Variants in C11orf16 observed in about 807,000 individuals in gnomAD.
C11orf16 encodes chromosome 11 open reading frame 16.
A neutral mutation model predicts 45.1 loss-of-function variants in C11orf16; 38 were observed. The observed-to-expected ratio is 0.84, with a 90% CI of 0.65 to 1.10. The LOEUF is 1.10. Ranked by LOEUF, C11orf16 falls within the 50% of genes least tolerant of loss-of-function variation. The probability of loss-of-function intolerance (pLI) is 0.00; values close to 1 mark genes in which losing one functional copy is unlikely to be tolerated. For synonymous variants in C11orf16, 221 were observed against 222.0 expected (o/e 1.00, Z 0.04); for missense variants, 583 against 569.5 (o/e 1.02, Z -0.24).
chr11:8,925,517 G>A lies in C11orf16; in HGVS notation c.1150C>T (p.Pro384Ser). 6.2e-7 allele frequency: 1 copy of A among 1,614,188 alleles called. No homozygotes were observed. The highest frequency in any genetic ancestry group is 8.5e-7 in the Non-Finnish European group (1 of 1,180,024). The change falls in exon 5 of 7, where the codon CCT (proline) becomes TCT (serine). Residue 384 changes from proline (P) to serine (S), a missense_variant. Transcript: ENST00000326053. ...MPLRQSGLCQ[P>S]EWRYWKRNGP... is the part of the protein sequence containing the mutation. ...TTTCTCTTCCAATACCTCCACTCAG[G>A]CTGGCAGAGGCCACTCTGTCTCAGA...
At chr11:8,925,034 C>T (rs763082103) in intron 5 of C11orf16, among the ~76,000 whole-genome samples, 5 of 152,186 alleles carry the variant, frequency 3.3e-5, no homozygotes, top group African/African-American at 4.8e-5. Flanking sequence ...TGGGGCCTCA[C>T]GACCAATGCT....
chr11:8,932,020 A>G, intron 2 of C11orf16, 122 bp downstream of exon 2: 1 of 1,090,060 alleles, frequency 9.2e-7, no homozygotes, highest in Non-Finnish European at 1.3e-6. Flanking sequence ...AGGCCAAACA[A>G]TGACGACCCC....
At position 8,929,408 on chromosome 11, in the gene C11orf16, T is replaced by C. The variant is rs1295201585; in HGVS notation, c.293A>G (p.Tyr98Cys). The change falls in exon 3 of 7, where the codon TAC becomes TGC. Residue 98 changes from tyrosine (Y) to cysteine (C), a missense_variant. By Grantham distance (194) the Tyr-to-Cys change is radical (BLOSUM62 -2). Transcript: ENST00000326053. ...AGTGGCCTTTATTTGGGCCCGGTAG[T>C]AAAAACCATCTGCTTCCCTTCTTGC... ...VLARREADGF[Y>C]YRAQIKATPE... 1 of 1,614,064 alleles carries C rather than the reference T, an allele frequency of 6.2e-7. No homozygotes were observed. The highest frequency in any genetic ancestry group is 1.1e-5 in the South Asian group (1 of 91,066).
chr11:8,925,661 A>C lies in C11orf16; in HGVS notation c.1006T>G (p.Ser336Ala). Residue 336 changes from serine to alanine, a missense_variant, in exon 5 of 7, where the codon TCC (serine) becomes GCC (alanine). By Grantham distance (99) the Ser-to-Ala change is moderately conservative. Coordinates refer to ENST00000326053, the MANE Select transcript of C11orf16 (RefSeq NM_020643.3). ...VAMHAPLAVS[S>A]SSSSSCEQDG... Reference sequence around the variant, plus strand: ...TGTTCACAGGAGGAGGATGAGGAGGAAGAAACAGCCAGGGGAGCGTGCATT... The same window carrying C: ...TGTTCACAGGAGGAGGATGAGGAGGCAGAAACAGCCAGGGGAGCGTGCATT... 6.2e-7 allele frequency: 1 copy of C among 1,614,232 alleles called. No individual in the cohort carries two copies. Among genetic ancestry groups the C allele is most frequent in the Non-Finnish European group, 8.5e-7 (1 of 1,180,030 alleles).
rs2064605746 is a variant in C11orf16 at position 8,925,720 on chromosome 11, A to C, written c.947T>G (p.Leu316Trp). Reference protein sequence around the residue: ...LPELEPTAQLLPLEGPKEEKV... With the variant: ...LPELEPTAQLWPLEGPKEEKV... ...CTCCTCTTTAGGACCTTCCAGGGGC[A>C]AAAGCTGTGCTGTGGGCTCCAACTC... Residue 316 changes from leucine (L) to tryptophan (W), a missense_variant, in exon 5 of 7, where the codon TTG becomes TGG. By Grantham distance (61) the Leu-to-Trp change is moderately conservative. Transcript: ENST00000326053. 1 of 1,614,142 alleles carries C rather than the reference A, an allele frequency of 6.2e-7. No individual in the cohort carries two copies. Among genetic ancestry groups the C allele is most frequent in the Admixed American group, 1.7e-5 (1 of 60,016 alleles).
At chr11:8,921,859 T>C (rs2064577151) in intron 5 of C11orf16, among the ~76,000 whole-genome samples, 1 of 152,196 alleles carries the variant, frequency 6.6e-6, no homozygotes, top group South Asian at 2.1e-4. Context: ...CAGGCTGGTC[T>C]TGAACTCCTG....
In C11orf16 at chr11:8,921,443, C is replaced by T; in HGVS notation, c.1277G>A (p.Gly426Glu). The change falls in exon 6 of 7, where the codon GGG becomes GAG. Residue 426 changes from glycine (G) to glutamate (E), a missense_variant. Coordinates refer to ENST00000326053, the MANE Select transcript of C11orf16 (RefSeq NM_020643.3). ...TTTCGAGACCAGCTCCTTGGTAGTC[C>T]CCACTACTGCAGTTTGTGCTCTCTG... Reference protein sequence around the residue: ...KQQRAQTAVVGTTKELVSKAT... With the variant: ...KQQRAQTAVVETTKELVSKAT... 1.2e-6 allele frequency: 2 copies of T among 1,614,154 alleles called. No homozygotes were observed. Among genetic ancestry groups the T allele is most frequent in the South Asian group, 2.2e-5 (2 of 91,078 alleles).
chr11:8,927,375 C>G, intron 3 of C11orf16: 1 of 596,048 alleles, frequency 1.7e-6, no homozygotes, highest in Non-Finnish European at 3.0e-6. Context: ...CGGTTGTGCT[C>G]CCCTGAATCT....
At chr11:8,926,285 C>G (rs1398342187) in intron 4 of C11orf16, among the ~76,000 whole-genome samples, 178 bp from the exon 5 acceptor site, 1 of 148,084 alleles carries the variant, frequency 6.8e-6, no homozygotes, top group Non-Finnish European at 1.5e-5. Flanking sequence ...CTCAAGCCAT[C>G]CTCCTGCCTC....
chr11:8,928,771 G>C lies in C11orf16; in HGVS notation c.324+606C>G, dbSNP rs1378073173. 3 of 152,726 alleles carry C rather than the reference G, an allele frequency of 2.0e-5. No individual in the cohort carries two copies. In the East Asian group the frequency reaches 5.8e-4, roughly 29 times the overall value. 9.5% of individuals were successfully genotyped at this position (152,726 alleles called of 1,614,324 possible). On this transcript the variant is annotated intron_variant, in intron 3 of 6. Transcript: ENST00000326053. ...CCACCACCACCTCTCAAAGTGCTGG[G>C]ATTACAGGCATGAGCCAACATGCCT...
chr11:8,930,018 G>A (rs1184289929), intron 2 of C11orf16, among the ~76,000 whole-genome samples: 1 of 152,116 alleles, frequency 6.6e-6, no homozygotes, highest in Admixed American at 6.5e-5. Flanking sequence ...TACTTGGGAG[G>A]CTGAGATAGG....
chr11:8,924,686 G>A (rs2064597008), intron 5 of C11orf16, among the ~76,000 whole-genome samples: 2 of 152,162 alleles, frequency 1.3e-5, no homozygotes, highest in African/African-American at 4.8e-5. Flanking sequence ...TAGCAGTGGT[G>A]TTCCTTCACC....
chr11:8,926,301 C>T (rs1036658012), intron 4 of C11orf16, among the ~76,000 whole-genome samples, 194 bp from the exon 5 acceptor site: 21 of 151,452 alleles, frequency 1.4e-4, no homozygotes, highest in East Asian at 1.4e-3. Flanking sequence ...GCCTCAGCCT[C>T]CGAAGTAGCT....
At chr11:8,926,763 G>T (rs568025954) in intron 4 of C11orf16, among the ~76,000 whole-genome samples, 177 bp downstream of exon 4, 1 of 152,042 alleles carries the variant, frequency 6.6e-6, no homozygotes, top group Non-Finnish European at 1.5e-5. Context: ...AAGATACACT[G>T]TGCATCTTGA....
In C11orf16 at chr11:8,929,472, G is replaced by A. The variant is rs1467511659; in HGVS notation, c.229C>T (p.Leu77=). The A allele has an allele frequency of 6.2e-7, 1 of 1,614,086 alleles. No individual in the cohort carries two copies. Among genetic ancestry groups the A allele is most frequent in the Non-Finnish European group, 8.5e-7 (1 of 1,179,986 alleles). Residue 77 remains leucine (L), a synonymous_variant, in exon 3 of 7, where the codon CTG becomes TTG. Transcript: ENST00000326053. ...TTGGCAGCATCTCCAGCTCTTCCCA[G>A]CCAGCCAGGCCCCTGCCATGCTGGG... ...ADPAWQGPGW[L]GRAGDAANTW...
chr11:8,929,540 A>G lies in C11orf16; in HGVS notation c.168-7T>C, dbSNP rs201859529. The G allele has an allele frequency of 1.7e-5, 27 of 1,608,846 alleles. No homozygotes were observed. Among genetic ancestry groups the G allele is most frequent in the East Asian group, 2.2e-5 (1 of 44,838 alleles). ...TGGGCAAGAAGAGGCATGCCTGGAA[A>G]AAAGCAAATGGAATTAGTGGATAGA... On this transcript the variant is annotated splice_polypyrimidine_tract_variant and splice_region_variant and intron_variant, in intron 2 of 6. Transcript: ENST00000326053.
chr11:8,923,270 A>C (rs561994102), intron 5 of C11orf16, among the ~76,000 whole-genome samples: 2 of 152,188 alleles, frequency 1.3e-5, no homozygotes, highest in East Asian at 3.9e-4. Flanking sequence ...CTATGGAGCA[A>C]GTCACAGCAA....
Position 8,927,092 on chromosome 11 carries a change from ACT to A in C11orf16, c.405_406del (p.Arg135SerfsTer23). 6.2e-7 allele frequency: 1 copy of A among 1,613,648 alleles called. No individual in the cohort carries two copies. The highest frequency in any genetic ancestry group is 8.5e-7 in the Non-Finnish European group (1 of 1,179,914). On this transcript the variant is annotated frameshift_variant, in exon 4 of 7. Transcript: ENST00000326053. LOFTEE classifies it high-confidence loss of function. ...AGGAATGACATCCTCTTCTAAGACC[ACT>A]CTCTGCTGCTGGGCTGGCAGCTTTG...
rs745603948 is a variant in C11orf16, at chr11:8,932,261, G to A, written c.48C>T (p.Ser16=). 5.0e-5 allele frequency: 81 copies of A among 1,611,538 alleles called. No homozygotes were observed. The highest frequency in any genetic ancestry group is 6.2e-5 in the Non-Finnish European group (73 of 1,179,148). ...CAGGGGCCTTCAGGCTTGTGGCCAC[G>A]CTGCAGTATTTGAGCAAAGGCATCC... ...GPRMPLLKYC[S]VATSLKAPGW... is the part of the protein sequence containing the mutation. The change falls in exon 2 of 7, where the codon AGC becomes AGT. Residue 16 remains serine (S), a synonymous_variant. Transcript: ENST00000326053.
Sources: gnomAD v4.1 joint callset for allele counts (sites outside exome capture counted in the v4.1 genomes callset) on GRCh38, gnomAD v4.1.1 for gene constraint, MANE v1.5 for transcripts, NCBI Gene and HGNC (gene_info 2026-07-23, HGNC 2026-07-21) for gene names.